The following FGFR1OP2 variants were observed in gnomAD, a reference collection of about 807,000 sequenced individuals.
FGFR1OP2 encodes FGFR1 oncogene partner 2, also known as fibroblast growth factor receptor 1 oncogene partner 2.
In FGFR1OP2, 17 loss-of-function variants were observed where a neutral mutation model predicts 35.2. The observed-to-expected ratio is 0.48, with a 90% CI of 0.33 to 0.73. The LOEUF is 0.73. Among genes scored for constraint, FGFR1OP2 ranks in the 30% least tolerant of loss-of-function variants. The pLI is 0.02. For synonymous variants in FGFR1OP2, 105 were observed against 104.6 expected, an observed-to-expected ratio of 1.00 and a Z score of -0.03; for missense variants, 251 against 307.3, an observed-to-expected ratio of 0.82 and a Z score of 1.37.
chr12:26,956,559 A>G lies in FGFR1OP2; in HGVS notation c.152A>G (p.Gln51Arg). 1 of 1,565,116 alleles carries G rather than the reference A, an allele frequency of 6.4e-7. No homozygotes were observed. Among genetic ancestry groups the G allele is most frequent in the Non-Finnish European group, 8.7e-7 (1 of 1,154,502 alleles). ...EAMKQYQEEIQELNEVARHRP... is the reference protein window; with the variant it reads ...EAMKQYQEEIRELNEVARHRP... ...CCCCATTAGTATCAGGAAGAAATTC[A>G]AGAACTTAATGAAGTCGCGAGACAT... The change falls in exon 3 of 7, where the codon CAA (glutamine) becomes CGA (arginine). Residue 51 changes from glutamine (Q) to arginine (R), a missense_variant. Gln to Arg is a conservative substitution (Grantham distance 43). Coordinates refer to ENST00000229395, the MANE Select transcript of FGFR1OP2 (RefSeq NM_015633.3).
intron 3 of FGFR1OP2, 36 bp from the exon 4 acceptor site, chr12:26,957,565 T>C: frequency 6.3e-7 from 1 of 1,577,232 alleles, no homozygotes; most frequent in South Asian, 1.2e-5. Flanking sequence ...TACTTTTAAC[T>C]CAAGTTGGAA....
At chr12:26,942,807 AT>A (rs1938757760) in intron 1 of FGFR1OP2, among the ~76,000 whole-genome samples, 3 of 152,004 alleles carry the variant, frequency 2.0e-5, no homozygotes, top group Admixed American at 2.0e-4. Flanking sequence ...TTATTTTCTT[AT>A]TGTTTTGAGA....
rs1939041631 is a variant in FGFR1OP2, at chr12:26,957,587, A to G, written c.254-14A>G. On this transcript the variant is annotated splice_polypyrimidine_tract_variant and intron_variant, in intron 3 of 6. Coordinates refer to ENST00000229395, the MANE Select transcript of FGFR1OP2 (RefSeq NM_015633.3). ...AACTCAAGTTGGAATAAAATACAAT[A>G]TTATTCTTGATAGAATTACGTACAT... 1 of 1,603,952 alleles carries G rather than the reference A, an allele frequency of 6.2e-7. No homozygotes were observed. The highest frequency in any genetic ancestry group is 8.5e-7 in the Non-Finnish European group (1 of 1,175,646).
chr12:26,963,406 T>C lies in FGFR1OP2; in HGVS notation c.575T>C (p.Ile192Thr), dbSNP rs1939131785. Residue 192 changes from isoleucine (I) to threonine (T), a missense_variant, in exon 6 of 7, where the codon ATT becomes ACT. Physicochemically the swap from Ile to Thr is moderately conservative, Grantham distance 89. Coordinates refer to ENST00000229395, the MANE Select transcript of FGFR1OP2 (RefSeq NM_015633.3). ...GCAGTAATGAGGAAAGCCATTGAAA[T>C]TGACGAGCAACAGGGTTGCAAGGAA... ...MAAVMRKAIE[I>T]DEQQGCKEQE... is the part of the protein sequence containing the mutation. 1 of 1,609,028 alleles carries C rather than the reference T, an allele frequency of 6.2e-7. No homozygotes were observed. The highest frequency in any genetic ancestry group is 2.2e-5 in the East Asian group (1 of 44,654).
At chr12:26,950,218 T>TTTTTTTG in intron 1 of FGFR1OP2, among the ~76,000 whole-genome samples, 1 of 102,922 alleles carries the variant, frequency 9.7e-6, no homozygotes. Context: ...TCGTTGTTTT[T>TTTTTTTG]TTTTTTTTTT....
chr12:26,956,506 AGG>A, intron 2 of FGFR1OP2, 35 bp from the exon 3 acceptor site: 16 of 611,230 alleles, frequency 2.6e-5, no homozygotes, highest in East Asian at 4.1e-5. Flanking sequence ...ATATATTTGC[AGG>A]TATTTTCATC....
chr12:26,951,844 GAAGGGTTCTTCTTATAGTA>G (rs1355227321), intron 1 of FGFR1OP2, among the ~76,000 whole-genome samples: 1 of 152,174 alleles, frequency 6.6e-6, no homozygotes, highest in African/African-American at 2.4e-5. Context: ...AGTGTGTAAA[GAAGGGTTCTTCTTATAGTA>G]GTCCCAACAA....
At chr12:26,958,617 A>G (rs1939058640) in intron 4 of FGFR1OP2, among the ~76,000 whole-genome samples, 1 of 152,204 alleles carries the variant, frequency 6.6e-6, no homozygotes, top group South Asian at 2.1e-4. Context: ...CCAGTATTGT[A>G]TACCAGTTGA....
intron 4 of FGFR1OP2, among the ~76,000 whole-genome samples, chr12:26,959,773 T>C (rs1939076723): frequency 6.6e-6 from 1 of 152,192 alleles, no homozygotes; most frequent in East Asian, 1.9e-4. Flanking sequence ...TTTGTGATTT[T>C]GATTTTTCCC....
intron 2 of FGFR1OP2, among the ~76,000 whole-genome samples, chr12:26,954,664 A>T (rs899453996): frequency 6.6e-6 from 1 of 152,226 alleles, no homozygotes; most frequent in Non-Finnish European, 1.5e-5. Context: ...AAAAGTACTT[A>T]GGTGATGCTG....
At position 26,960,606 on chromosome 12, in the gene FGFR1OP2, G is replaced by C; in HGVS notation, c.488G>C (p.Arg163Thr). The C allele has an allele frequency of 1.2e-6, 2 of 1,613,060 alleles. No homozygotes were observed. The highest frequency in any genetic ancestry group is 1.7e-6 in the Non-Finnish European group (2 of 1,179,416). Reference protein sequence around the residue: ...LEAPQHGLERRHLEANQNELQ... With the variant: ...LEAPQHGLERTHLEANQNELQ... ...GCACCTCAACATGGACTGGAGAGAA[G>C]GCACTTGGAAGCAAATCAGAATGTA... The change falls in exon 5 of 7, where the codon AGG becomes ACG. Residue 163 changes from arginine (R) to threonine (T), a missense_variant. Transcript: ENST00000229395.
intron 4 of FGFR1OP2, among the ~76,000 whole-genome samples, chr12:26,960,248 AAG>A (rs764532037): frequency 1.3e-5 from 2 of 152,158 alleles, no homozygotes; most frequent in Non-Finnish European, 2.9e-5. Flanking sequence ...GGATTGGAGT[AAG>A]AGATCCTTTT....
chr12:26,963,324 C>T lies in FGFR1OP2; in HGVS notation c.511-18C>T. 1 of 1,547,020 alleles carries T rather than the reference C, an allele frequency of 6.5e-7. No homozygotes were observed. The highest frequency in any genetic ancestry group is 1.8e-5 in the Admixed American group (1 of 55,098). ...AAAAGTATTTTGCTGATTTCCAACT[C>T]CCATCCCTCTTTTTCAGGAACTGCA... On this transcript the variant is annotated intron_variant, in intron 5 of 6. Coordinates refer to ENST00000229395, the MANE Select transcript of FGFR1OP2 (RefSeq NM_015633.3).
rs1423478346 is a variant in FGFR1OP2 at position 26,954,312 on chromosome 12, G to A, written c.135+19G>A. ...GAAACAGGTTTGATTTTTCTTTCTT[G>A]TTCATTCCATTTATCAAAAGCAGTC... On this transcript the variant is annotated intron_variant, in intron 2 of 6. Transcript: ENST00000229395. 20 of 1,569,222 alleles carry A rather than the reference G, an allele frequency of 1.3e-5. No individual in the cohort carries two copies. Among genetic ancestry groups the A allele is most frequent in the Non-Finnish European group, 1.7e-5 (20 of 1,156,820 alleles).
At chr12:26,942,984 C>T (rs908202537) in intron 1 of FGFR1OP2, among the ~76,000 whole-genome samples, 2 of 152,156 alleles carry the variant, frequency 1.3e-5, no homozygotes, top group Non-Finnish European at 1.5e-5. Flanking sequence ...TTTTATGAAT[C>T]ATGCTTTTAG....
At chr12:26,943,380 T>C (rs1938767673) in intron 1 of FGFR1OP2, among the ~76,000 whole-genome samples, 1 of 152,250 alleles carries the variant, frequency 6.6e-6, no homozygotes, top group African/African-American at 2.4e-5. Context: ...AAATAGTTTC[T>C]TCAACTTTTT....
In FGFR1OP2 at chr12:26,945,495, C is replaced by G. The variant is rs551994734; in HGVS notation, c.-15+6785C>G. ...ATATAGAAGTACATTGTTTAACTTCCAGATGTTTGGAGATTTTTCTTGTTA... is the reference window on the plus strand; with the variant it reads ...ATATAGAAGTACATTGTTTAACTTCGAGATGTTTGGAGATTTTTCTTGTTA... On this transcript the variant is annotated intron_variant, in intron 1 of 6. Transcript: ENST00000229395. 2.9e-4 allele frequency among the ~76,000 whole-genome samples: 44 copies of G among 152,168 alleles called. No individual in the cohort carries two copies. In the South Asian group the frequency reaches 8.7e-3, roughly 30 times the overall value.
At chr12:26,943,417 T>C (rs748092314) in intron 1 of FGFR1OP2, among the ~76,000 whole-genome samples, 1 of 152,258 alleles carries the variant, frequency 6.6e-6, no homozygotes, top group Non-Finnish European at 1.5e-5. Flanking sequence ...TTTGTTGTTA[T>C]CTAGTTTCTT....
chr12:26,952,882 C>T (rs1320107059), intron 1 of FGFR1OP2, among the ~76,000 whole-genome samples: 1 of 152,012 alleles, frequency 6.6e-6, no homozygotes, highest in East Asian at 1.9e-4. Context: ...GGCTTCTGGC[C>T]TGGTAATTTA....
Sources: allele counts gnomAD v4.1 joint callset (sites outside exome capture counted in the v4.1 genomes callset), GRCh38; gene constraint gnomAD v4.1.1; transcripts MANE v1.5; gene names NCBI Gene and HGNC (gene_info 2026-07-23, HGNC 2026-07-21).